The following COLEC10 variants were observed in gnomAD, a reference collection of about 807,000 sequenced individuals.
COLEC10 encodes collectin-10.
A neutral mutation model predicts 28.4 loss-of-function variants in COLEC10; 22 were observed. The observed-to-expected ratio is 0.78, with a 90% confidence interval of 0.55 to 1.11. The LOEUF (loss-of-function observed/expected upper bound fraction) is 1.11. Ranked by LOEUF, COLEC10 falls within the 50% of genes least tolerant of loss-of-function variation. The pLI is 0.00. For missense variants in COLEC10, 361 were observed against 344.1 expected, an observed-to-expected ratio of 1.05 and a Z score of -0.39; for synonymous variants, 125 against 116.1, an observed-to-expected ratio of 1.08 and a Z score of -0.49.
intron 1 of COLEC10, among the ~76,000 whole-genome samples, chr8:119,072,262 A>G (rs941413051): frequency 2.7e-5 from 4 of 150,550 alleles, no homozygotes; most frequent in African/African-American, 1.0e-4. Context: ...CAAGATTGCT[A>G]GCACACATTG....
chr8:118,988,257 T>C, the COLEC10 span, among the ~76,000 whole-genome samples: 16 of 152,224 alleles, frequency 1.1e-4, no homozygotes, highest in South Asian at 2.9e-3. Flanking sequence ...ATCATGAGGA[T>C]CTGGGAAAGA....
intron 2 of COLEC10, among the ~76,000 whole-genome samples, chr8:119,034,378 G>A (rs1282732409): frequency 6.7e-6 from 1 of 150,370 alleles, no homozygotes; most frequent in African/African-American, 2.5e-5. Flanking sequence ...TAACAAACCT[G>A]CACATTCTGC....
chr8:119,014,503 T>C (rs1813954411), intron 2 of COLEC10, among the ~76,000 whole-genome samples: 1 of 150,678 alleles, frequency 6.6e-6, no homozygotes, highest in Non-Finnish European at 1.5e-5. Context: ...TTCTTCATCT[T>C]TTATTGTCTG....
chr8:118,998,846 C>CA (rs567463648), intron 1 of COLEC10, among the ~76,000 whole-genome samples: 2,250 of 76,440 alleles, frequency 0.029, 92 homozygotes, highest in African/African-American at 0.052. Context: ...GACTCCGTCT[C>CA]AAAAAAAAAA....
chr8:118,998,068 T>C (rs984061618), intron 1 of COLEC10, among the ~76,000 whole-genome samples: 1 of 152,166 alleles, frequency 6.6e-6, no homozygotes, highest in African/African-American at 2.4e-5. Context: ...ATTAAAGTGA[T>C]GTGATTTTGA....
chr8:119,099,120 G>A (rs1815773860), intron 3 of COLEC10, among the ~76,000 whole-genome samples: 1 of 152,012 alleles, frequency 6.6e-6, no homozygotes, highest in Non-Finnish European at 1.5e-5. Flanking sequence ...TACGCTGAAA[G>A]CATTATGATT....
the COLEC10 span, chr8:118,952,313 T>C: frequency 6.2e-6 from 1 of 161,930 alleles, no homozygotes; most frequent in Non-Finnish European, 1.3e-5. Flanking sequence ...GAGAGTCCGA[T>C]CCAGCCAAGA....
chr8:119,061,073 A>G (rs1814847474), intron 2 of COLEC10, among the ~76,000 whole-genome samples: 1 of 152,106 alleles, frequency 6.6e-6, no homozygotes. Flanking sequence ...ATAGGTGCTC[A>G]ATAAACATTC....
the COLEC10 span, among the ~76,000 whole-genome samples, chr8:118,987,173 G>A: frequency 6.6e-6 from 1 of 152,214 alleles, no homozygotes; most frequent in Admixed American, 6.5e-5. Context: ...CCCACACCTC[G>A]ATATATTGTA....
chr8:119,008,711 C>T (rs1813851454), intron 1 of COLEC10, among the ~76,000 whole-genome samples: 1 of 150,682 alleles, frequency 6.6e-6, no homozygotes, highest in African/African-American at 2.5e-5. Flanking sequence ...TCATCCTGGC[C>T]ATGCATGTCT....
rs567148567 is a variant in COLEC10, at chr8:119,106,081, C to A, written c.724C>A (p.Pro242Thr). 6.2e-7 allele frequency: 1 copy of A among 1,613,890 alleles called. No individual in the cohort carries two copies. The highest frequency in any genetic ancestry group is 2.2e-5 in the East Asian group (1 of 44,874). Reference sequence around the variant, plus strand: ...CTGGAATGAGGGGGAACCCAGCGACCCCTATGGTCATGAGGACTGTGTGGA... The same window carrying A: ...CTGGAATGAGGGGGAACCCAGCGACACCTATGGTCATGAGGACTGTGTGGA... Reference protein sequence around the residue: ...SNWNEGEPSDPYGHEDCVEML... With the variant: ...SNWNEGEPSDTYGHEDCVEML... Residue 242 changes from proline (P) to threonine (T), a missense_variant, in exon 6 of 6, where the codon CCC (proline) becomes ACC (threonine). Around this residue, in one of 3 missense-constraint regions of COLEC10, gnomAD observed 335 missense variants for 308.5 expected, o/e 1.09. Coordinates refer to ENST00000332843, the MANE Select transcript of COLEC10 (RefSeq NM_006438.5).
intron 2 of COLEC10, among the ~76,000 whole-genome samples, chr8:119,035,279 C>A (rs909409787): frequency 6.9e-6 from 1 of 143,950 alleles, no homozygotes; most frequent in African/African-American, 2.7e-5. Flanking sequence ...TATGTACTTT[C>A]AGGAATATCT....
At chr8:118,996,100 T>G (rs1045792460) in intron 1 of COLEC10, among the ~76,000 whole-genome samples, 4 of 152,158 alleles carry the variant, frequency 2.6e-5, no homozygotes, top group Non-Finnish European at 2.9e-5. Context: ...AATTTGACTG[T>G]TTTAGATAAC....
intron 4 of COLEC10, chr8:119,102,838 T>C (rs1187569055): frequency 6.2e-6 from 1 of 160,436 alleles, no homozygotes; most frequent in East Asian, 1.8e-4. Flanking sequence ...GGAGATTCTC[T>C]AGGGTTATTG....
chr8:119,018,370 G>A (rs1814030827), intron 2 of COLEC10, among the ~76,000 whole-genome samples: 1 of 152,136 alleles, frequency 6.6e-6, no homozygotes, highest in Non-Finnish European at 1.5e-5. Context: ...ACAGCAGTGA[G>A]TTCTTTCTTC....
chr8:119,023,605 T>TA (rs1441043241), intron 2 of COLEC10, among the ~76,000 whole-genome samples: 1 of 152,198 alleles, frequency 6.6e-6, no homozygotes, highest in Non-Finnish European at 1.5e-5. Flanking sequence ...CCTTGACATT[T>TA]AAAAAATATT....
intron 2 of COLEC10, among the ~76,000 whole-genome samples, chr8:119,021,915 G>A (rs1389606781): frequency 6.6e-6 from 1 of 152,084 alleles, no homozygotes; most frequent in African/African-American, 2.4e-5. Flanking sequence ...ACATGTAAGT[G>A]AATGTATATG....
chr8:119,101,653 A>C (rs1218500857), intron 3 of COLEC10, among the ~76,000 whole-genome samples: 1 of 152,178 alleles, frequency 6.6e-6, no homozygotes, highest in Non-Finnish European at 1.5e-5. Context: ...CTTCACTTCT[A>C]AAAATTGTAA....
intron 3 of COLEC10, among the ~76,000 whole-genome samples, chr8:119,094,262 T>C (rs1033766926): frequency 1.3e-5 from 2 of 152,050 alleles, no homozygotes; most frequent in Non-Finnish European, 1.5e-5. Context: ...GAAAAAAAAG[T>C]TTCCAAATCT....
Sources: allele counts gnomAD v4.1 joint callset (sites outside exome capture counted in the v4.1 genomes callset), GRCh38; gene constraint gnomAD v4.1.1; regional missense constraint gnomAD v4.1.1; transcripts MANE v1.5; gene names NCBI Gene and HGNC (gene_info 2026-07-23, HGNC 2026-07-21).